Variants in ZDHHC5 observed in about 807,000 individuals in gnomAD.
ZDHHC5 encodes palmitoyltransferase ZDHHC5.
In ZDHHC5, 22 loss-of-function variants were observed where a neutral mutation model predicts 70.0. The ratio of observed to expected loss-of-function variants is 0.31; its 90% confidence interval spans 0.22 to 0.45. ZDHHC5 has a LOEUF of 0.45. ZDHHC5 is among the 20% of genes least tolerant of loss of function. The pLI is 1.00. For missense variants in ZDHHC5, 746 were observed against 926.9 expected, an observed-to-expected ratio of 0.80 and a Z score of 2.53; for synonymous variants, 313 against 347.8, an observed-to-expected ratio of 0.90 and a Z score of 1.11.
chr11:57,689,836 C>T (rs1946259463), intron 4 of ZDHHC5, among the ~76,000 whole-genome samples, 195 bp from the exon 5 acceptor site: 1 of 152,202 alleles, frequency 6.6e-6, no homozygotes, highest in Non-Finnish European at 1.5e-5. Flanking sequence ...ACCACTACGC[C>T]TGGTTGGCCT....
chr11:57,695,787 C>G, intron 8 of ZDHHC5, 133 bp from the exon 9 acceptor site: 1 of 1,192,548 alleles, frequency 8.4e-7, no homozygotes, highest in Non-Finnish European at 1.1e-6. Flanking sequence ...CAGAGTGAGA[C>G]CTTGTCTCAA....
intron 6 of ZDHHC5, among the ~76,000 whole-genome samples, chr11:57,690,650 A>G (rs1362247909): frequency 1.3e-5 from 2 of 152,206 alleles, no homozygotes; most frequent in South Asian, 2.1e-4. Flanking sequence ...CATATACACC[A>G]TGGAATACTA....
At chr11:57,696,665 C>T in intron 9 of ZDHHC5, 96 bp from the exon 10 acceptor site, 2 of 1,074,508 alleles carry the variant, frequency 1.9e-6, no homozygotes, top group South Asian at 2.8e-5. Context: ...TATAATCGTG[C>T]CACTGCACTC....
chr11:57,698,298 T>G (rs951498082), intron 10 of ZDHHC5, among the ~76,000 whole-genome samples: 2 of 152,214 alleles, frequency 1.3e-5, no homozygotes, highest in Non-Finnish European at 2.9e-5. Context: ...CATAATAGAT[T>G]AGTGCTTGAT....
chr11:57,682,324 T>G (rs945510966), intron 2 of ZDHHC5, 98 bp from the exon 3 acceptor site: 107 of 1,443,398 alleles, frequency 7.4e-5, no homozygotes, highest in Non-Finnish European at 2.7e-5. Context: ...ACAAGATTTA[T>G]CTATAGGTAA....
intron 5 of ZDHHC5, 65 bp downstream of exon 5, chr11:57,690,268 T>C (rs764336972): frequency 2.5e-6 from 4 of 1,613,432 alleles, no homozygotes; most frequent in Non-Finnish European, 2.5e-6. Flanking sequence ...AAAGGGAAAA[T>C]GGCTGCAGTA....
chr11:57,694,358 T>C (rs967074717), intron 8 of ZDHHC5, among the ~76,000 whole-genome samples: 4 of 151,806 alleles, frequency 2.6e-5, no homozygotes, highest in African/African-American at 9.7e-5. Flanking sequence ...AATCTTGTTT[T>C]CTACATTAGA....
intron 3 of ZDHHC5, among the ~76,000 whole-genome samples, chr11:57,687,696 A>C (rs1946224381): frequency 6.6e-6 from 1 of 152,010 alleles, no homozygotes; most frequent in South Asian, 2.1e-4. Context: ...TGCAACAAAT[A>C]ATACTGAAAT....
chr11:57,678,030 A>C (rs1349797711), intron 2 of ZDHHC5, among the ~76,000 whole-genome samples: 5 of 152,296 alleles, frequency 3.3e-5, no homozygotes, highest in Non-Finnish European at 4.4e-5. Context: ...CTAAATGAGG[A>C]TCCCCATGGG....
chr11:57,676,787 A>G (rs904097245), intron 2 of ZDHHC5, among the ~76,000 whole-genome samples: 1 of 151,962 alleles, frequency 6.6e-6, no homozygotes, highest in Non-Finnish European at 1.5e-5. Context: ...ACCATTTCGA[A>G]TCACTTTGAA....
At chr11:57,681,144 T>C (rs576492889) in intron 2 of ZDHHC5, among the ~76,000 whole-genome samples, 28 of 152,352 alleles carry the variant, frequency 1.8e-4, no homozygotes, top group African/African-American at 6.0e-4. Flanking sequence ...TTGTCTCTTA[T>C]CTTGATTTGC....
At chr11:57,683,972 ATTTTT>A (rs11435194) in intron 3 of ZDHHC5, among the ~76,000 whole-genome samples, 2 of 135,864 alleles carry the variant, frequency 1.5e-5, no homozygotes, top group Admixed American at 1.5e-4. Context: ...CTAATAATTA[ATTTTT>A]TTTTTTTTTT....
intron 1 of ZDHHC5, among the ~76,000 whole-genome samples, chr11:57,671,002 C>T (rs1013513527): frequency 2.6e-5 from 4 of 152,154 alleles, no homozygotes; most frequent in African/African-American, 9.6e-5. Context: ...GGGAATAAAA[C>T]TACTTTCTTT....
intron 4 of ZDHHC5, among the ~76,000 whole-genome samples, chr11:57,689,664 C>T (rs1430019384): frequency 2.0e-5 from 3 of 150,464 alleles, no homozygotes; most frequent in South Asian, 4.2e-4. Flanking sequence ...GCGTGAGCCA[C>T]CGCGCCCGGC....
chr11:57,670,856 C>G (rs1399829758), intron 1 of ZDHHC5, among the ~76,000 whole-genome samples: 1 of 141,052 alleles, frequency 7.1e-6, no homozygotes, highest in Non-Finnish European at 1.5e-5. Flanking sequence ...GAGTCTTGCT[C>G]TGTTGCCCAG....
intron 2 of ZDHHC5, among the ~76,000 whole-genome samples, chr11:57,678,103 A>G (rs1279921703): frequency 1.3e-5 from 2 of 152,248 alleles, no homozygotes; most frequent in African/African-American, 4.8e-5. Context: ...CATATGCTCA[A>G]GCAATATGCT....
At chr11:57,675,669 TG>T (rs1356465955) in intron 2 of ZDHHC5, among the ~76,000 whole-genome samples, 7 of 152,188 alleles carry the variant, frequency 4.6e-5, no homozygotes, top group Admixed American at 6.5e-5. Flanking sequence ...AGTCACCTTG[TG>T]GGGGCACAAA....
rs559797896 is a variant in ZDHHC5, at chr11:57,674,070, C to T, written c.104+876C>T. ...CAGAAGCCTGGAGAAGTGAAGGCCA[C>T]TGAGAAAGGAAAGGGTAAGTTGTAT... On this transcript the variant is annotated intron_variant, in intron 2 of 11. Coordinates refer to ENST00000287169, the MANE Select transcript of ZDHHC5 (RefSeq NM_015457.3). Among the ~76,000 whole-genome samples the T allele has an allele frequency of 2.0e-5, 3 of 152,288 alleles. No homozygotes were observed. In the South Asian group the frequency reaches 6.2e-4, roughly 32 times the overall value.
intron 1 of ZDHHC5, 102 bp downstream of exon 1, chr11:57,668,289 G>T: frequency 3.3e-6 from 1 of 303,886 alleles, no homozygotes. Flanking sequence ...AGACGGGGAG[G>T]GTATTAAGGC....
Sources: allele counts gnomAD v4.1 joint callset (sites outside exome capture counted in the v4.1 genomes callset), GRCh38; gene constraint gnomAD v4.1.1; transcripts MANE v1.5; gene names NCBI Gene and HGNC (gene_info 2026-07-23, HGNC 2026-07-21).